The following STARD9 variants were observed in gnomAD, a reference collection of about 807,000 sequenced individuals.
The protein encoded by STARD9 is StAR related lipid transfer domain containing 9, also known as stAR-related lipid transfer protein 9.
In STARD9, 346 loss-of-function variants were observed where a neutral mutation model predicts 399.8. The ratio of observed to expected loss-of-function variants is 0.87; its 90% CI spans 0.79 to 0.95. The LOEUF is 0.95. Among genes scored for constraint, STARD9 ranks in the 40% least tolerant of loss-of-function variants. STARD9 has a pLI of 0.00. For synonymous variants in STARD9, 2,203 were observed against 2,143.5 expected (o/e 1.03, Z -0.77); for missense variants, 5,832 against 5,667.5 (o/e 1.03, Z -0.93).
At position 42,693,898 on chromosome 15, in the gene STARD9, C is replaced by G; in HGVS notation, c.12320C>G (p.Pro4107Arg). The G allele has an allele frequency of 6.5e-7, 1 of 1,526,844 alleles. No individual in the cohort carries two copies. Among genetic ancestry groups the G allele is most frequent in the Non-Finnish European group, 8.8e-7 (1 of 1,140,514 alleles). 94.6% of individuals were successfully genotyped at this position (1,526,844 alleles called of 1,614,324 possible). The change falls in exon 23 of 33, where the codon CCT (proline) becomes CGT (arginine). Residue 4107 changes from proline to arginine, a missense_variant. Coordinates refer to ENST00000290607, the MANE Select transcript of STARD9 (RefSeq NM_020759.3). ...CTCCGAGGTTCTGCCTTGGGCCTCC[C>G]TCAGGCCTGCCAACCTGAGGAGTTA... ...AGLRGSALGL[P>R]QACQPEELLC...
rs143203400 is a variant in STARD9, at chr15:42,711,358, C to G, written c.13285-5319C>G. On this transcript the variant is annotated intron_variant, in intron 26 of 32. Transcript: ENST00000290607. ...GTTTCACCATGTTGGCCAGGCTGGT[C>G]TCCAACTCCTGACCTCAGGTGATCC... is the stretch of plus-strand genomic sequence containing the variant. Among the ~76,000 whole-genome samples, 227 of 152,284 alleles carry G rather than the reference C, an allele frequency of 1.5e-3. 1 individual carries two copies. Among genetic ancestry groups the G allele is most frequent in the African/African-American group, 5.3e-3 (222 of 41,552 alleles).
intron 9 of STARD9, among the ~76,000 whole-genome samples, chr15:42,658,221 T>G (rs1453196680): frequency 6.6e-6 from 1 of 151,950 alleles, no homozygotes; most frequent in Non-Finnish European, 1.5e-5. Context: ...CATGGCTCAC[T>G]GCAGCCTCAA....
chr15:42,640,602 A>G (rs1347938449), intron 7 of STARD9, among the ~76,000 whole-genome samples: 1 of 152,026 alleles, frequency 6.6e-6, no homozygotes, highest in Non-Finnish European at 1.5e-5. Flanking sequence ...CGGGCAGAAC[A>G]TGAGGTCAGG....
intron 3 of STARD9, among the ~76,000 whole-genome samples, chr15:42,614,934 C>G (rs1442441332): frequency 6.6e-6 from 1 of 151,714 alleles, no homozygotes; most frequent in Non-Finnish European, 1.5e-5. Context: ...CACTGCACTC[C>G]AGCCTAGGTG....
chr15:42,699,395 T>TC (rs1344261834), intron 26 of STARD9, among the ~76,000 whole-genome samples: 18 of 138,422 alleles, frequency 1.3e-4, no homozygotes, highest in Admixed American at 9.0e-4. Flanking sequence ...TTCTTTTCTT[T>TC]TTTTTTTTTT....
At chr15:42,587,153 G>T (rs1185726039) in intron 3 of STARD9, among the ~76,000 whole-genome samples, 2 of 152,086 alleles carry the variant, frequency 1.3e-5, no homozygotes, top group African/African-American at 4.8e-5. Context: ...ACTGCACCCA[G>T]CTATAAAGCT....
intron 3 of STARD9, among the ~76,000 whole-genome samples, chr15:42,626,974 C>T (rs191922119): frequency 2.3e-4 from 35 of 152,078 alleles, no homozygotes; most frequent in African/African-American, 8.4e-4. Context: ...CTTCAGCCTC[C>T]CAAGTAGCTG....
rs1468336376 is a variant in STARD9, at chr15:42,689,363, G to T, written c.7785G>T (p.Gln2595His). The change falls in exon 23 of 33, where the codon CAG (glutamine) becomes CAT (histidine). Residue 2595 changes from glutamine to histidine, a missense_variant. Physicochemically the swap from Gln to His is conservative, Grantham distance 24. Around this residue, in one of 2 missense-constraint regions of STARD9, gnomAD observed 5,828 missense variants for 5,651.1 expected, o/e 1.03. Transcript: ENST00000290607. ...CTTCAAGGGTTGCTGGCAGGCCTCA[G>T]TGTAAACAAATAGACCAGTCATCAT... Reference protein sequence around the residue: ...ECSSRVAGRPQCKQIDQSSSD... With the variant: ...ECSSRVAGRPHCKQIDQSSSD... The T allele has an allele frequency of 5.2e-6, 8 of 1,537,332 alleles. No individual in the cohort carries two copies. The East Asian group carries it at 2.0e-4, about 38-fold the overall frequency.
At chr15:42,653,062 C>A (rs1284474977) in intron 9 of STARD9, among the ~76,000 whole-genome samples, 1 of 152,110 alleles carries the variant, frequency 6.6e-6, no homozygotes, top group South Asian at 2.1e-4. Flanking sequence ...ACACACAATC[C>A]GTTAAGCTAT....
rs769907076 is a variant in STARD9 at position 42,691,157 on chromosome 15, T to G, written c.9579T>G (p.Phe3193Leu). Residue 3193 changes from phenylalanine to leucine, a missense_variant, in exon 23 of 33, where the codon TTT (phenylalanine) becomes TTG (leucine). Phe to Leu is a conservative substitution (Grantham distance 22). Coordinates refer to ENST00000290607, the MANE Select transcript of STARD9 (RefSeq NM_020759.3). Reference sequence around the variant, plus strand: ...ATCGCTTGGATTCCCAAGCCAAGTTTGTAGCAAGGTTAAAACATACCTGCA... The same window carrying G: ...ATCGCTTGGATTCCCAAGCCAAGTTGGTAGCAAGGTTAAAACATACCTGCA... Reference protein sequence around the residue: ...DHNRLDSQAKFVARLKHTCSP... With the variant: ...DHNRLDSQAKLVARLKHTCSP... 1.3e-6 allele frequency: 2 copies of G among 1,537,264 alleles called. No individual in the cohort carries two copies. The highest frequency in any genetic ancestry group is 1.7e-4 in the Middle Eastern group (1 of 5,990).
chr15:42,624,931 T>C (rs1337527861), intron 3 of STARD9, among the ~76,000 whole-genome samples: 1 of 152,210 alleles, frequency 6.6e-6, no homozygotes, highest in Non-Finnish European at 1.5e-5. Flanking sequence ...AGGAATAAAG[T>C]TTTCTAATAT....
intron 3 of STARD9, among the ~76,000 whole-genome samples, chr15:42,599,079 A>T (rs2058572789): frequency 6.6e-6 from 1 of 151,982 alleles, no homozygotes; most frequent in Non-Finnish European, 1.5e-5. Context: ...CCCCACCACC[A>T]TGCCTGGCTA....
chr15:42,624,774 C>G (rs930260086), intron 3 of STARD9, among the ~76,000 whole-genome samples: 4 of 151,920 alleles, frequency 2.6e-5, no homozygotes, highest in African/African-American at 9.7e-5. Flanking sequence ...GTCTCGAACT[C>G]CTGACCTCAG....
chr15:42,718,576 A>G, intron 31 of STARD9, 62 bp downstream of exon 31: 1 of 1,493,988 alleles, frequency 6.7e-7, no homozygotes. Context: ...CGTGAGAAAC[A>G]ATCTATGTGG....
chr15:42,591,996 A>T (rs188636270), intron 3 of STARD9, among the ~76,000 whole-genome samples: 34 of 152,318 alleles, frequency 2.2e-4, no homozygotes, highest in Non-Finnish European at 1.3e-4. Context: ...CAAATTCAAG[A>T]CTGTTTAACT....
intron 3 of STARD9, among the ~76,000 whole-genome samples, chr15:42,611,032 T>C (rs1381753121): frequency 6.6e-6 from 1 of 152,190 alleles, no homozygotes; most frequent in Non-Finnish European, 1.5e-5. Flanking sequence ...CAGGACTCTC[T>C]TAGTCTTGCT....
chr15:42,671,842 A>G (rs1235492479), intron 16 of STARD9: 1 of 152,178 alleles, frequency 6.6e-6, no homozygotes, highest in Admixed American at 6.5e-5. Flanking sequence ...GGGATTCACC[A>G]TGTTGGCCAG....
At chr15:42,589,179 T>C (rs1243706555) in intron 3 of STARD9, among the ~76,000 whole-genome samples, 1 of 152,106 alleles carries the variant, frequency 6.6e-6, no homozygotes, top group Non-Finnish European at 1.5e-5. Context: ...AATTTAGATA[T>C]AGTGAAAGAT....
chr15:42,626,469 T>A (rs190321214), intron 3 of STARD9, among the ~76,000 whole-genome samples: 1 of 150,848 alleles, frequency 6.6e-6, no homozygotes, highest in East Asian at 2.0e-4. Context: ...CTCCTCTTCC[T>A]CCTCTTCATC....
Sources: gnomAD v4.1 joint callset for allele counts (sites outside exome capture counted in the v4.1 genomes callset) on GRCh38, gnomAD v4.1.1 for gene constraint, gnomAD v4.1.1 regional missense constraint, MANE v1.5 for transcripts, NCBI Gene and HGNC (gene_info 2026-07-23, HGNC 2026-07-21) for gene names.